LRP1B: variants seen among roughly 807,000 people sequenced by gnomAD.
LRP1B encodes low-density lipoprotein receptor-related protein 1B.
A neutral mutation model predicts 556.6 loss-of-function variants in LRP1B; 217 were observed. The ratio of observed to expected loss-of-function variants is 0.39; its 90% CI spans 0.35 to 0.44. LRP1B has a LOEUF of 0.44. Among genes scored for constraint, LRP1B ranks in the 20% least tolerant of loss-of-function variants. LRP1B has a pLI of 1.00. For synonymous variants in LRP1B, 2,047 were observed against 1,865.8 expected, an observed-to-expected ratio of 1.10 and a Z score of -2.50; for missense variants, 5,053 against 5,620.8, an observed-to-expected ratio of 0.90 and a Z score of 3.23.
chr2:140,774,268 T>C (rs1459204522), intron 33 of LRP1B, among the ~76,000 whole-genome samples: 3 of 152,176 alleles, frequency 2.0e-5, no homozygotes, highest in African/African-American at 7.2e-5. Flanking sequence ...TATTGTACCA[T>C]TGATTTCTAA....
At chr2:140,867,561 G>A (rs1230427267) in intron 27 of LRP1B, 29 bp downstream of exon 27, 3 of 1,581,448 alleles carry the variant, frequency 1.9e-6, no homozygotes, top group Non-Finnish European at 2.6e-6. Flanking sequence ...CTTTCTGGGT[G>A]GTTAATCCAT....
rs576475713 is a variant in LRP1B, at chr2:140,908,001, G to A, written c.3396C>T (p.Asp1132=). 6.2e-7 allele frequency: 1 copy of A among 1,613,534 alleles called. No homozygotes were observed. The highest frequency in any genetic ancestry group is 1.7e-5 in the Admixed American group (1 of 59,886). The change falls in exon 22 of 91, where the codon GAC becomes GAT. Residue 1132 remains aspartate, a synonymous_variant. Coordinates refer to ENST00000389484, the MANE Select transcript of LRP1B (RefSeq NM_018557.3). The part of the protein sequence containing the change: ...CEDQSDEDDC[D]SFLCGPPKHP... ...GCTTGGGTGGTCCACACAAGAAACT[G>A]TCACAGTCATCTTCATCTGACTGAT...
chr2:141,166,363 CA>C (rs1680255596), intron 7 of LRP1B, among the ~76,000 whole-genome samples: 1 of 128,384 alleles, frequency 7.8e-6, no homozygotes, highest in Non-Finnish European at 1.8e-5. Flanking sequence ...TCTTCTCTCT[CA>C]TTCTTTTTTT....
chr2:140,864,084 T>C (rs1036524867), intron 27 of LRP1B, among the ~76,000 whole-genome samples: 5 of 151,916 alleles, frequency 3.3e-5, no homozygotes, highest in Non-Finnish European at 7.4e-5. Flanking sequence ...TTGAGCAATT[T>C]ACTTAGTATT....
intron 2 of LRP1B, among the ~76,000 whole-genome samples, chr2:141,591,389 A>T (rs1687333236): frequency 7.1e-6 from 1 of 140,340 alleles, no homozygotes; most frequent in Non-Finnish European, 1.5e-5. Flanking sequence ...CAGGCCTCTG[A>T]TCTGGGCCAA....
chr2:141,688,840 G>C (rs1054356463), intron 2 of LRP1B, among the ~76,000 whole-genome samples: 1 of 151,788 alleles, frequency 6.6e-6, no homozygotes, highest in Non-Finnish European at 1.5e-5. Context: ...CTTTACCTAG[G>C]ATGGATGGGT....
intron 2 of LRP1B, among the ~76,000 whole-genome samples, chr2:141,695,805 G>A (rs1364713091): frequency 6.6e-6 from 1 of 151,920 alleles, no homozygotes; most frequent in Non-Finnish European, 1.5e-5. Context: ...TGTAAAAATA[G>A]TTGATTCAAT....
At chr2:140,613,842 T>C (rs1683167811) in intron 41 of LRP1B, among the ~76,000 whole-genome samples, 1 of 152,058 alleles carries the variant, frequency 6.6e-6, no homozygotes, top group African/African-American at 2.4e-5. Context: ...ACTGAACATG[T>C]TTTTTATAGT....
intron 2 of LRP1B, among the ~76,000 whole-genome samples, chr2:141,664,851 A>G (rs1264606767): frequency 6.6e-6 from 1 of 152,114 alleles, no homozygotes; most frequent in East Asian, 1.9e-4. Context: ...TGGACAAAAA[A>G]AGTACTTTAA....
intron 1 of LRP1B, among the ~76,000 whole-genome samples, chr2:142,080,897 C>A (rs751696453): frequency 4.0e-5 from 6 of 149,974 alleles, no homozygotes; most frequent in Non-Finnish European, 7.5e-5. Flanking sequence ...ACTGCTAGTG[C>A]CTTTCCTAGC....
At position 140,501,742 on chromosome 2, in the gene LRP1B, C is replaced by A; in HGVS notation, c.8795G>T (p.Ser2932Ile). The A allele has an allele frequency of 6.2e-7, 1 of 1,612,786 alleles. No individual in the cohort carries two copies. The highest frequency in any genetic ancestry group is 2.2e-5 in the East Asian group (1 of 44,826). Residue 2932 changes from serine to isoleucine, a missense_variant, in exon 55 of 91, where the codon AGT becomes ATT. Coordinates refer to ENST00000389484, the MANE Select transcript of LRP1B (RefSeq NM_018557.3). ...TTGAGAACATCCACTGACTTTCTTA[C>A]TCAAACATTCATTTATATGGCAGTT... ...ERNCHINECLSKKVSGCSQDC... is the reference protein window; with the variant it reads ...ERNCHINECLIKKVSGCSQDC...
At chr2:140,337,344 T>C (rs1478945752) in intron 77 of LRP1B, among the ~76,000 whole-genome samples, 2 of 151,948 alleles carry the variant, frequency 1.3e-5, no homozygotes, top group East Asian at 3.9e-4. Flanking sequence ...CTCAGTTACC[T>C]GAATTAAATG....
At chr2:141,034,684 A>G (rs531283182) in intron 11 of LRP1B, among the ~76,000 whole-genome samples, 21 of 150,088 alleles carry the variant, frequency 1.4e-4, no homozygotes, top group Admixed American at 5.3e-4. Flanking sequence ...TTAGAATGGC[A>G]ATCATTAAAA....
rs899572127 is a variant in LRP1B, at chr2:140,309,052, T to TA, written c.12805+5882dup. On this transcript the variant is annotated intron_variant, in intron 83 of 90. Transcript: ENST00000389484. Reference sequence around the variant, plus strand: ...CAAGTAATAAAAGTTCTGAATGCTTTAAAAAAATGCTAGTCTTTTCAATAA... The same window carrying TA: ...CAAGTAATAAAAGTTCTGAATGCTTTAAAAAAAATGCTAGTCTTTTCAATAA... Among the ~76,000 whole-genome samples the TA allele has an allele frequency of 9.2e-5, 14 of 151,902 alleles. No individual in the cohort carries two copies. The South Asian group carries it at 1.7e-3, about 18-fold the overall frequency.
chr2:140,841,532 A>T (rs571011869), intron 29 of LRP1B, among the ~76,000 whole-genome samples: 7 of 152,300 alleles, frequency 4.6e-5, no homozygotes, highest in African/African-American at 1.7e-4. Context: ...AAATGAAATA[A>T]AACAATTCAA....
intron 7 of LRP1B, among the ~76,000 whole-genome samples, chr2:141,170,896 A>G (rs1680473965): frequency 6.6e-6 from 1 of 152,126 alleles, no homozygotes; most frequent in Non-Finnish European, 1.5e-5. Context: ...TGTCACTATA[A>G]AGCAGAAAAG....
In LRP1B at chr2:141,062,215, C is replaced by T. The variant is rs1699355759; in HGVS notation, c.1072G>A (p.Gly358Arg). The T allele has an allele frequency of 6.2e-7, 1 of 1,611,552 alleles. No individual in the cohort carries two copies. Among genetic ancestry groups the T allele is most frequent in the African/African-American group, 1.3e-5 (1 of 74,690 alleles). Residue 358 changes from glycine (G) to arginine (R), a missense_variant, in exon 8 of 91, where the codon GGG (glycine) becomes AGG (arginine). Gly to Arg is a moderately radical substitution (Grantham distance 125, BLOSUM62 -2). Around this residue, in one of 5 missense-constraint regions of LRP1B, gnomAD observed 3,619 missense variants for 3,931.9 expected, o/e 0.92. Transcript: ENST00000389484. ...TCAATTATCCTTGTTCGGTTCATCC[C>T]ATCCATGTCACATCTCTCCACTTTG... ...VAKVERCDMD[G>R]MNRTRIIDSK...
At chr2:140,351,664 A>G (rs1681966880) in intron 76 of LRP1B, among the ~76,000 whole-genome samples, 1 of 150,864 alleles carries the variant, frequency 6.6e-6, no homozygotes, top group African/African-American at 2.4e-5. Context: ...CATACTAACA[A>G]GTAAAACCCT....
chr2:141,253,649 A>C (rs907576120), intron 4 of LRP1B, among the ~76,000 whole-genome samples: 1 of 152,046 alleles, frequency 6.6e-6, no homozygotes, highest in African/African-American at 2.4e-5. Flanking sequence ...TTTCAAATTT[A>C]AGATTCTAAG....
Sources: allele counts gnomAD v4.1 joint callset (sites outside exome capture counted in the v4.1 genomes callset), GRCh38; gene constraint gnomAD v4.1.1; regional missense constraint gnomAD v4.1.1; transcripts MANE v1.5; gene names NCBI Gene and HGNC (gene_info 2026-07-23, HGNC 2026-07-21).